Variants in SLC19A3 observed in about 807,000 individuals in gnomAD.
SLC19A3 encodes thiamine transporter 2.
Under a neutral mutation model 40.2 loss-of-function variants are expected in SLC19A3, and 31 were observed. That is an observed-to-expected ratio of 0.77 (90% CI 0.58 to 1.04). The LOEUF is 1.04. Ranked by LOEUF, SLC19A3 falls within the 50% of genes least tolerant of loss-of-function variation. SLC19A3 has a pLI of 0.00. For missense variants in SLC19A3, 592 were observed against 596.7 expected (o/e 0.99, Z 0.08); for synonymous variants, 212 against 227.5 (o/e 0.93, Z 0.61).
intron 2 of SLC19A3, chr2:227,700,851 G>A (rs1317070815): frequency 3.7e-6 from 4 of 1,075,536 alleles, no homozygotes; most frequent in Middle Eastern, 6.9e-4. Flanking sequence ...GGAAGGACTG[G>A]AGTTGCTGAT....
chr2:227,689,360 G>T (rs930740538), intron 4 of SLC19A3, among the ~76,000 whole-genome samples: 2 of 152,126 alleles, frequency 1.3e-5, no homozygotes, highest in Admixed American at 1.3e-4. Context: ...GATTCTAAAA[G>T]GAGCAAGAGA....
intron 1 of SLC19A3, among the ~76,000 whole-genome samples, chr2:227,708,710 G>C (rs796465429): frequency 1.4e-4 from 22 of 152,238 alleles, no homozygotes; most frequent in African/African-American, 4.8e-4. Flanking sequence ...CTCTGAAACT[G>C]TCAGTGTTCT....
chr2:227,699,235 G>C lies in SLC19A3; in HGVS notation c.480C>G (p.Leu160=). 6.2e-7 allele frequency: 1 copy of C among 1,614,144 alleles called. No individual in the cohort carries two copies. The highest frequency in any genetic ancestry group is 1.3e-5 in the African/African-American group (1 of 75,058). Residue 160 remains leucine (L), a synonymous_variant, in exon 3 of 6, where the codon CTC becomes CTG. Coordinates refer to ENST00000644224, the MANE Select transcript of SLC19A3 (RefSeq NM_025243.4). ...AYTAGSVLAQ[L]LVSLANMSYF... ...ACGACATGTTCGCCAGGGATACCAA[G>C]AGTTGAGCCAGCACCGACCCTGCTG...
chr2:227,694,335 T>G (rs1281084909), intron 4 of SLC19A3, among the ~76,000 whole-genome samples: 1 of 152,104 alleles, frequency 6.6e-6, no homozygotes. Flanking sequence ...TGCAAAGAAA[T>G]GATATAATCC....
At position 227,715,244 on chromosome 2, in the gene SLC19A3, C is replaced by T. The variant is rs555190766; in HGVS notation, c.-3+2699G>A. Among the ~76,000 whole-genome samples, 126 of 146,018 alleles carry T rather than the reference C, an allele frequency of 8.6e-4. 1 individual carries two copies. Among genetic ancestry groups the T allele is most frequent in the Middle Eastern group, 7.1e-3 (2 of 280 alleles). On this transcript the variant is annotated intron_variant, in intron 1 of 5. Coordinates refer to ENST00000644224, the MANE Select transcript of SLC19A3 (RefSeq NM_025243.4). ...CCCATCTATAATCCTTTATGTCAAA[C>T]CCCACACCCCCCCCAAAAAAAAATC...
Position 227,684,753 on chromosome 2 carries a change from C to A in SLC19A3, c.*2644G>T, listed in dbSNP as rs190011414. 1 of 151,970 alleles carries A rather than the reference C, an allele frequency of 6.6e-6. No individual in the cohort carries two copies. The highest frequency in any genetic ancestry group is 6.6e-5 in the Admixed American group (1 of 15,234). The allele number at this position is 151,970 out of a possible 1,614,324, so 9.4% of individuals were successfully genotyped here. A position where few individuals can be genotyped will look rare whatever the true frequency, so the allele number is the denominator to read the frequency against. ...ATCCCAACACTTTGGGAGACCGAGA[C>A]GGGCGGATCACCTGAGACCAGGAGT... On this transcript the variant is annotated 3_prime_UTR_variant, in exon 6 of 6. Transcript: ENST00000644224.
At position 227,688,183 on chromosome 2, in the gene SLC19A3, A is replaced by G. The variant is rs766083018; in HGVS notation, c.1297T>C (p.Leu433=). The change falls in exon 5 of 6, where the codon TTG becomes CTG. Residue 433 remains leucine, a synonymous_variant. Coordinates refer to ENST00000644224, the MANE Select transcript of SLC19A3 (RefSeq NM_025243.4). ...VIVVDQRGLN[L]PVSIQFLVYG... is the part of the protein sequence containing the mutation. ...CAGCTTACCTGAATGCTGACTGGCA[A>G]GTTGAGCCCTCTCTGATCTACTACA... 2 of 1,614,120 alleles carry G rather than the reference A, an allele frequency of 1.2e-6. No homozygotes were observed. The highest frequency in any genetic ancestry group is 2.2e-5 in the South Asian group (2 of 91,082).
intron 2 of SLC19A3, chr2:227,701,092 T>C: frequency 7.7e-7 from 1 of 1,301,360 alleles, no homozygotes; most frequent in Non-Finnish European, 1.0e-6. Flanking sequence ...GTTGTCTTAA[T>C]TGTGGCATGC....
Position 227,699,192 on chromosome 2 carries a change from T to C in SLC19A3, c.523A>G (p.Ile175Val), listed in dbSNP as rs760275734. Reference sequence around the variant, plus strand: ...GCCACGGAGACAGAGGCCAAGGATATGACGTTGAGGTAAAAGTACGACATG... The same window carrying C: ...GCCACGGAGACAGAGGCCAAGGATACGACGTTGAGGTAAAAGTACGACATG... ...ANMSYFYLNV[I>V]SLASVSVAFL... The change falls in exon 3 of 6, where the codon ATA becomes GTA. Residue 175 changes from isoleucine (I) to valine (V), a missense_variant. Physicochemically the swap from Ile to Val is conservative, Grantham distance 29. Transcript: ENST00000644224. The C allele has an allele frequency of 1.2e-6, 2 of 1,614,096 alleles. No individual in the cohort carries two copies. The highest frequency in any genetic ancestry group is 3.3e-5 in the Admixed American group (2 of 59,994).
chr2:227,714,896 C>T (rs547005596), intron 1 of SLC19A3, among the ~76,000 whole-genome samples: 21 of 150,036 alleles, frequency 1.4e-4, no homozygotes, highest in African/African-American at 3.7e-4. Context: ...CCCCACTCAC[C>T]GCAACCACTG....
Position 227,687,061 on chromosome 2 carries a change from C to T in SLC19A3, c.*336G>A, listed in dbSNP as rs1574539676. ...TCCTCACAAATGGTGAATATCAACT[C>T]CAGGATGGCTGGAGTTTTCTCATGG... is the stretch of plus-strand genomic sequence containing the variant. On this transcript the variant is annotated 3_prime_UTR_variant, in exon 6 of 6. Coordinates refer to ENST00000644224, the MANE Select transcript of SLC19A3 (RefSeq NM_025243.4). 9.4e-6 allele frequency: 2 copies of T among 211,874 alleles called. No individual in the cohort carries two copies. Among genetic ancestry groups the T allele is most frequent in the East Asian group, 2.3e-4 (2 of 8,772 alleles). 13.1% of individuals were successfully genotyped at this position (211,874 alleles called of 1,614,324 possible).
In SLC19A3 at chr2:227,684,980, C is replaced by CAAAAAAAAAAAAAAA. The variant is rs60946199; in HGVS notation, c.*2402_*2416dup. 9.6e-5 allele frequency: 6 copies of CAAAAAAAAAAAAAAA among 62,420 alleles called. No individual in the cohort carries two copies. Among genetic ancestry groups the CAAAAAAAAAAAAAAA allele is most frequent in the Non-Finnish European group, 1.5e-4 (5 of 33,064 alleles). 3.9% of individuals were successfully genotyped at this position (62,420 alleles called of 1,614,324 possible). A position where few individuals can be genotyped will look rare whatever the true frequency, so the allele number is the denominator to read the frequency against. ...CCTGGGTGACAGAGCAAGATTCTAT[C>CAAAAAAAAAAAAAAA]AAAAAAAAAAAAAAAAAAAAAAAAA... On this transcript the variant is annotated 3_prime_UTR_variant, in exon 6 of 6. Transcript: ENST00000644224.
intron 1 of SLC19A3, among the ~76,000 whole-genome samples, chr2:227,711,672 A>G (rs1477629105): frequency 6.6e-6 from 1 of 152,136 alleles, no homozygotes; most frequent in African/African-American, 2.4e-5. Flanking sequence ...TGAAATAATA[A>G]AAAGAATCTT....
Position 227,703,701 on chromosome 2 carries a change from G to A in SLC19A3, c.-2-1381C>T, listed in dbSNP as rs892981917. Among the ~76,000 whole-genome samples, 1 of 152,140 alleles carries A rather than the reference G, an allele frequency of 6.6e-6. No individual in the cohort carries two copies. The highest frequency in any genetic ancestry group is 6.5e-5 in the Admixed American group (1 of 15,270). On this transcript the variant is annotated intron_variant, in intron 1 of 5. Transcript: ENST00000644224. This position sits in a 1 kb window ranked among gnomAD's most constrained non-coding sequence, Gnocchi z 4.7. ...TCGTTGTTAATGATCTTATAGAAAT[G>A]GCTGTCCTGGACAGGTGATCACTGA...
At chr2:227,713,412 A>C (rs2106343561) in intron 1 of SLC19A3, among the ~76,000 whole-genome samples, 1 of 151,848 alleles carries the variant, frequency 6.6e-6, no homozygotes, top group Non-Finnish European at 1.5e-5. Flanking sequence ...AAAAAAAAAA[A>C]AAAAAAAAAA....
chr2:227,692,212 G>T (rs1695259226), intron 4 of SLC19A3, among the ~76,000 whole-genome samples: 1 of 152,012 alleles, frequency 6.6e-6, no homozygotes, highest in African/African-American at 2.4e-5. Context: ...CATTCTACAA[G>T]GCCAGTGTTA....
intron 4 of SLC19A3, among the ~76,000 whole-genome samples, chr2:227,689,092 AAAG>A (rs781133740): frequency 2.6e-5 from 4 of 152,132 alleles, no homozygotes; most frequent in Non-Finnish European, 4.4e-5. Context: ...ACAACAGAAA[AAAG>A]AAGAATGAGG....
In SLC19A3 at chr2:227,714,139, C is replaced by T. The variant is rs75692236; in HGVS notation, c.-3+3804G>A. 3.0e-3 allele frequency among the ~76,000 whole-genome samples: 455 copies of T among 152,282 alleles called. 4 individuals are homozygous for T. Among genetic ancestry groups the T allele is most frequent in the African/African-American group, 0.01 (432 of 41,554 alleles). On this transcript the variant is annotated intron_variant, in intron 1 of 5. Coordinates refer to ENST00000644224, the MANE Select transcript of SLC19A3 (RefSeq NM_025243.4). ...GATTATACCTCAACTTAAAGAAATG[C>T]ATCCTATTCTCCCTCCTCCAAAGCA... is the stretch of plus-strand genomic sequence containing the variant.
At chr2:227,712,926 A>C (rs1397821911) in intron 1 of SLC19A3, among the ~76,000 whole-genome samples, 2 of 152,186 alleles carry the variant, frequency 1.3e-5, no homozygotes, top group Non-Finnish European at 2.9e-5. Flanking sequence ...GAAGAGAGTG[A>C]CTGCAATAGA....
Sources: gnomAD v4.1 joint callset for allele counts (sites outside exome capture counted in the v4.1 genomes callset) on GRCh38, gnomAD v4.1.1 for gene constraint, Gnocchi (gnomAD v3.1) non-coding constraint, MANE v1.5 for transcripts, NCBI Gene and HGNC (gene_info 2026-07-23, HGNC 2026-07-21) for gene names.